The following SESN2 variants were observed in gnomAD, a reference collection of about 807,000 sequenced individuals.
SESN2 encodes sestrin 2.
Under a neutral mutation model 56.0 loss-of-function variants are expected in SESN2, and 42 were observed. The ratio of observed to expected loss-of-function variants is 0.75; its 90% CI spans 0.59 to 0.97. The LOEUF (loss-of-function observed/expected upper bound fraction) is 0.97. Among genes scored for constraint, SESN2 ranks in the 50% least tolerant of loss-of-function variants. The pLI, the probability that SESN2 is intolerant of heterozygous loss-of-function variation, is 0.00. For missense variants in SESN2, 507 were observed against 649.4 expected (o/e 0.78, Z 2.38); for synonymous variants, 264 against 267.1 (o/e 0.99, Z 0.11).
chr1:28,267,763 G>T (rs1052693686), intron 1 of SESN2, among the ~76,000 whole-genome samples: 4 of 152,190 alleles, frequency 2.6e-5, no homozygotes, highest in African/African-American at 9.7e-5. Context: ...AGAGGCTGCA[G>T]CATATAACAG....
At chr1:28,262,990 C>T (rs929129511) in intron 1 of SESN2, among the ~76,000 whole-genome samples, 1 of 152,134 alleles carries the variant, frequency 6.6e-6, no homozygotes, top group Admixed American at 6.6e-5. Context: ...AGCCCTTCCT[C>T]CCCCACTAGA....
chr1:28,275,021 C>T lies in SESN2; in HGVS notation c.1211+6C>T. The T allele has an allele frequency of 6.2e-7, 1 of 1,600,126 alleles. No individual in the cohort carries two copies. The highest frequency in any genetic ancestry group is 1.7e-5 in the Admixed American group (1 of 59,400). On this transcript the variant is annotated splice_donor_region_variant and intron_variant, in intron 8 of 9. Coordinates refer to ENST00000253063, the MANE Select transcript of SESN2 (RefSeq NM_031459.5). The stretch of plus-strand genomic sequence containing the variant: ...CACTGCGTCTTTGGCATCAGGTGAG[C>T]TCATATCCCTTCATTTGGGGCATGT...
At chr1:28,279,736 G>C (rs1185363775) in intron 9 of SESN2, among the ~76,000 whole-genome samples, 2 of 151,850 alleles carry the variant, frequency 1.3e-5, no homozygotes, top group African/African-American at 4.8e-5. Flanking sequence ...TAGTAGAGAC[G>C]GGGTTTCACT....
At chr1:28,270,465 C>T (rs1449085246) in intron 2 of SESN2, among the ~76,000 whole-genome samples, 1 of 152,148 alleles carries the variant, frequency 6.6e-6, no homozygotes, top group Non-Finnish European at 1.5e-5. Context: ...TCCTCTACTC[C>T]TTTGTAAATA....
intron 2 of SESN2, 53 bp downstream of exon 2, chr1:28,269,301 C>A: frequency 8.2e-7 from 1 of 1,219,026 alleles, no homozygotes; most frequent in Non-Finnish European, 1.2e-6. Flanking sequence ...AAGGACATGG[C>A]ATATTGGTAG....
At chr1:28,275,781 C>T (rs549074276) in intron 8 of SESN2, among the ~76,000 whole-genome samples, 4 of 151,272 alleles carry the variant, frequency 2.6e-5, no homozygotes, top group African/African-American at 7.3e-5. Context: ...AGGCCAGGCG[C>T]GGTGGCTCAT....
chr1:28,267,013 C>G (rs1404481077), intron 1 of SESN2, among the ~76,000 whole-genome samples: 1 of 152,204 alleles, frequency 6.6e-6, no homozygotes, highest in African/African-American at 2.4e-5. Context: ...CCTTCCCTAG[C>G]ACCCCTGATG....
chr1:28,274,778 TGG>T, intron 7 of SESN2, 45 bp from the exon 8 acceptor site: 2 of 1,460,472 alleles, frequency 1.4e-6, no homozygotes, highest in South Asian at 2.5e-5. Flanking sequence ...TCTCTCTGGC[TGG>T]TCTTGGGCTC....
intron 9 of SESN2, 133 bp from the exon 10 acceptor site, chr1:28,280,583 C>G (rs115559102): frequency 3.2e-5 from 23 of 719,026 alleles, no homozygotes; most frequent in Non-Finnish European, 5.5e-5. Flanking sequence ...TGCTCAGAGC[C>G]TTAGCAGATG....
chr1:28,263,846 G>A (rs1258939015), intron 1 of SESN2, among the ~76,000 whole-genome samples: 2 of 152,158 alleles, frequency 1.3e-5, no homozygotes, highest in East Asian at 1.9e-4. Context: ...AGACTCTGCC[G>A]CCGCCCCAAA....
In SESN2 at chr1:28,280,880, G is replaced by A. The variant is rs1401645582; in HGVS notation, c.*78G>A. On this transcript the variant is annotated 3_prime_UTR_variant, in exon 10 of 10. Coordinates refer to ENST00000253063, the MANE Select transcript of SESN2 (RefSeq NM_031459.5). Reference sequence around the variant, plus strand: ...TGGAGACAGCCCCAGACCCTTTTGTGTCCCATGCCCACCCTCCCCACGCTG... The same window carrying A: ...TGGAGACAGCCCCAGACCCTTTTGTATCCCATGCCCACCCTCCCCACGCTG... 1.8e-6 allele frequency: 2 copies of A among 1,115,106 alleles called. No individual in the cohort carries two copies. Among genetic ancestry groups the A allele is most frequent in the African/African-American group, 1.5e-5 (1 of 65,328 alleles). 69.1% of individuals were successfully genotyped at this position (1,115,106 alleles called of 1,614,324 possible). A position where few individuals can be genotyped will look rare whatever the true frequency, so the allele number is the denominator to read the frequency against.
chr1:28,266,267 A>G (rs1019470331), intron 1 of SESN2, among the ~76,000 whole-genome samples: 3 of 152,148 alleles, frequency 2.0e-5, no homozygotes. Flanking sequence ...TGGCATTGTT[A>G]TTTTTGTAAA....
intron 1 of SESN2, among the ~76,000 whole-genome samples, chr1:28,260,575 G>A: frequency 6.6e-6 from 1 of 152,172 alleles, no homozygotes; most frequent in East Asian, 1.9e-4. Context: ...GGGGGAGAGG[G>A]GACAACCCTG....
rs1647826754 is a variant in SESN2 at position 28,272,644 on chromosome 1, C to T, written c.601C>T (p.Leu201Phe). 1.9e-6 allele frequency: 3 copies of T among 1,614,140 alleles called. No homozygotes were observed. Among genetic ancestry groups the T allele is most frequent in the Non-Finnish European group, 2.5e-6 (3 of 1,180,022 alleles). Residue 201 changes from leucine (L) to phenylalanine (F), a missense_variant, in exon 5 of 10, where the codon CTC becomes TTC. Transcript: ENST00000253063. ...CGAGCTCATTCAGGCTCTGGTCCTGCTCACCCACTGCCACTCGCTCTCCTC... is the reference window on the plus strand; with the variant it reads ...CGAGCTCATTCAGGCTCTGGTCCTGTTCACCCACTGCCACTCGCTCTCCTC... ...LAELIQALVLLTHCHSLSSFV... is the reference protein window; with the variant it reads ...LAELIQALVLFTHCHSLSSFV...
At chr1:28,278,612 G>A (rs1206527548) in intron 8 of SESN2, among the ~76,000 whole-genome samples, 2 of 152,126 alleles carry the variant, frequency 1.3e-5, no homozygotes, top group Non-Finnish European at 2.9e-5. Flanking sequence ...AAAAATGTGA[G>A]CTAAGCTTTC....
At chr1:28,271,613 T>C in intron 2 of SESN2, 61 bp from the exon 3 acceptor site, 1 of 1,327,156 alleles carries the variant, frequency 7.5e-7, no homozygotes, top group Middle Eastern at 2.2e-4. Flanking sequence ...AAGAATACAT[T>C]GGTCTCTTTG....
Position 28,281,223 on chromosome 1 carries a change from C to G in SESN2, c.*421C>G, listed in dbSNP as rs1268643281. 1 of 165,592 alleles carries G rather than the reference C, an allele frequency of 6.0e-6. No individual in the cohort carries two copies. Among genetic ancestry groups the G allele is most frequent in the African/African-American group, 2.4e-5 (1 of 41,868 alleles). The allele number at this position is 165,592 out of a possible 1,614,324, so 10.3% of individuals were successfully genotyped here. A position where few individuals can be genotyped will look rare whatever the true frequency, so the allele number is the denominator to read the frequency against. ...CTGACACTCCAGGCAGCTTTGCCTT[C>G]TCTCCCCTGTCATTTCCAGATTTCA... On this transcript the variant is annotated 3_prime_UTR_variant, in exon 10 of 10. Transcript: ENST00000253063.
At chr1:28,265,482 C>T (rs967494432) in intron 1 of SESN2, among the ~76,000 whole-genome samples, 2 of 152,154 alleles carry the variant, frequency 1.3e-5, no homozygotes, top group Non-Finnish European at 2.9e-5. Flanking sequence ...CAACCTCCAC[C>T]TCCTGGGTTC....
intron 9 of SESN2, among the ~76,000 whole-genome samples, chr1:28,280,323 C>T (rs1478030083): frequency 6.6e-6 from 1 of 152,226 alleles, no homozygotes; most frequent in African/African-American, 2.4e-5. Flanking sequence ...TCTCCTGCCT[C>T]AGCTTTCCAA....
Sources: allele counts gnomAD v4.1 joint callset (sites outside exome capture counted in the v4.1 genomes callset), GRCh38; gene constraint gnomAD v4.1.1; transcripts MANE v1.5; gene names NCBI Gene and HGNC (gene_info 2026-07-23, HGNC 2026-07-21).